Variants in PPM1B observed in about 807,000 individuals in gnomAD.
PPM1B encodes the protein protein phosphatase, Mg2+/Mn2+ dependent 1B, also known as protein phosphatase 1B.
In PPM1B, 22 loss-of-function variants were observed where a neutral mutation model predicts 43.0. That is an observed-to-expected ratio of 0.51 (90% CI 0.37 to 0.73). The LOEUF is 0.73. PPM1B is among the 30% of genes least tolerant of loss of function. The pLI, the probability that PPM1B is intolerant of heterozygous loss-of-function variation, is 0.00. For missense variants in PPM1B, 632 were observed against 584.2 expected, an observed-to-expected ratio of 1.08 and a Z score of -0.84; for synonymous variants, 217 against 197.9, an observed-to-expected ratio of 1.10 and a Z score of -0.81.
At chr2:44,208,255 T>A (rs1165429620) in intron 2 of PPM1B, among the ~76,000 whole-genome samples, 1 of 152,214 alleles carries the variant, frequency 6.6e-6, no homozygotes, top group Admixed American at 6.5e-5. Flanking sequence ...AATATGTCCT[T>A]AAATTAGCTA....
chr2:44,217,882 C>A, intron 3 of PPM1B, 85 bp from the exon 4 acceptor site: 1 of 730,382 alleles, frequency 1.4e-6, no homozygotes, highest in Non-Finnish European at 2.1e-6. Flanking sequence ...AAAATAGGTA[C>A]TACCAAATAG....
rs1022170700 is a variant in PPM1B at position 44,230,258 on chromosome 2, G to A, written c.1135-155G>A. 6 of 1,442,376 alleles carry A rather than the reference G, an allele frequency of 4.2e-6. No homozygotes were observed. The African/African-American group carries it at 8.6e-5, about 21-fold the overall frequency. The allele number at this position is 1,442,376 out of a possible 1,614,324, so 89.3% of individuals were successfully genotyped here. A position where few individuals can be genotyped will look rare whatever the true frequency, so the allele number is the denominator to read the frequency against. ...TTATTATTGGAAGTTTTTATTAATT[G>A]ATACAGGTAAGAATTGATATTTAAT... is the stretch of plus-strand genomic sequence containing the variant. On this transcript the variant is annotated intron_variant, in intron 5 of 5. Coordinates refer to ENST00000282412, the MANE Select transcript of PPM1B (RefSeq NM_002706.6).
At chr2:44,216,198 T>G (rs1227002477) in intron 3 of PPM1B, among the ~76,000 whole-genome samples, 1 of 152,166 alleles carries the variant, frequency 6.6e-6, no homozygotes, top group Non-Finnish European at 1.5e-5. Context: ...GATTAGAAAT[T>G]ATGCATTAAT....
chr2:44,210,313 C>T (rs2104180418), intron 3 of PPM1B, among the ~76,000 whole-genome samples: 1 of 150,908 alleles, frequency 6.6e-6, no homozygotes, highest in East Asian at 2.0e-4. Flanking sequence ...ACTCCCTGGG[C>T]TCAAGTGATC....
At chr2:44,187,022 A>C (rs376161488) in intron 1 of PPM1B, among the ~76,000 whole-genome samples, 3 of 152,236 alleles carry the variant, frequency 2.0e-5, no homozygotes, top group Non-Finnish European at 2.9e-5. Context: ...TTGTGCAACA[A>C]ATCTCCAGAA....
chr2:44,240,411 T>A lies in PPM1B; in HGVS notation n.1547-3817T>A, dbSNP rs1480642974. 1.4e-5 allele frequency among the ~76,000 whole-genome samples: 2 copies of A among 145,886 alleles called. 1 individual carries two copies. The highest frequency in any genetic ancestry group is 3.1e-5 in the Non-Finnish European group (2 of 65,360). On this transcript the variant is annotated intron_variant and non_coding_transcript_variant, in intron 5 of 5. Coordinates refer to the PPM1B transcript ENST00000378540. Reference sequence around the variant, plus strand: ...GGATTAGTAACTATACCATGCCAAGTCATGTGGGAGCCTAAGGCAAATGGA... The same window carrying A: ...GGATTAGTAACTATACCATGCCAAGACATGTGGGAGCCTAAGGCAAATGGA...
intron 5 of PPM1B, chr2:44,218,832 A>G (rs925913473): frequency 1.3e-5 from 6 of 464,860 alleles, no homozygotes; most frequent in African/African-American, 1.0e-4. Context: ...TCTCCTTTAA[A>G]CCTTAATTTT....
At chr2:44,237,459 A>G (rs1419809047), downstream of PPM1B, among the ~76,000 whole-genome samples, 2 of 152,144 alleles carry the variant, frequency 1.3e-5, no homozygotes, top group African/African-American at 4.8e-5. Flanking sequence ...ACCACTTACT[A>G]GTACACTGTT....
At chr2:44,211,755 T>C (rs1199198514) in intron 3 of PPM1B, among the ~76,000 whole-genome samples, 5 of 147,190 alleles carry the variant, frequency 3.4e-5, no homozygotes, top group African/African-American at 1.3e-4. Flanking sequence ...TTTTTTTTTT[T>C]TTTTTTTTTT....
chr2:44,217,243 T>C (rs1206443907), intron 3 of PPM1B, among the ~76,000 whole-genome samples: 1 of 151,316 alleles, frequency 6.6e-6, no homozygotes, highest in Admixed American at 6.6e-5. Context: ...CTACTAAAAA[T>C]ACAAAATTAG....
At chr2:44,189,276 A>G (rs77950422) in intron 1 of PPM1B, among the ~76,000 whole-genome samples, 29,531 of 152,014 alleles carry the variant, frequency 0.19, 3,012 homozygotes, top group South Asian at 0.25. Context: ...AAGACAGAAC[A>G]CTTCTGCTTT....
rs143358669 is a variant in PPM1B at position 44,230,585 on chromosome 2, C to A, written c.1307C>A (p.Ala436Asp). The A allele has an allele frequency of 6.2e-7, 1 of 1,614,140 alleles. No homozygotes were observed. The highest frequency in any genetic ancestry group is 2.2e-5 in the East Asian group (1 of 44,886). The stretch of plus-strand genomic sequence containing the variant: ...AGCCCTGCTGAACCAGCTGCCACAG[C>A]TACTTCTTCGAACAGTGATGCTGGA... ...EESPAEPAAT[A>D]TSSNSDAGNP... Residue 436 changes from alanine to aspartate, a missense_variant, in exon 6 of 6, where the codon GCT (alanine) becomes GAT (aspartate). By Grantham distance (126) the Ala-to-Asp change is moderately radical (BLOSUM62 -2). Transcript: ENST00000282412.
At chr2:44,174,306 G>T (rs111782082) in intron 1 of PPM1B, among the ~76,000 whole-genome samples, 108 of 152,270 alleles carry the variant, frequency 7.1e-4, no homozygotes, top group African/African-American at 2.4e-3. Context: ...AGTTAAATCC[G>T]ATCTCATACT....
chr2:44,215,579 G>A (rs1669682562), intron 3 of PPM1B, among the ~76,000 whole-genome samples: 1 of 152,156 alleles, frequency 6.6e-6, no homozygotes. Context: ...ACATTCTGGT[G>A]TACTTGGTAA....
At chr2:44,204,628 T>A (rs1259131762) in intron 2 of PPM1B, among the ~76,000 whole-genome samples, 1 of 151,752 alleles carries the variant, frequency 6.6e-6, no homozygotes, top group Non-Finnish European at 1.5e-5. Context: ...CCATATGAGG[T>A]AGTTAAGATG....
intron 1 of PPM1B, among the ~76,000 whole-genome samples, chr2:44,170,511 CTTTA>C (rs767174991): frequency 6.6e-6 from 1 of 152,172 alleles, no homozygotes; most frequent in Non-Finnish European, 1.5e-5. Context: ...CAGGAACTGT[CTTTA>C]TTTGAGCTAC....
downstream of PPM1B, chr2:44,233,634 A>C (rs1294999520): frequency 1.0e-6 from 1 of 985,712 alleles, no homozygotes; most frequent in East Asian, 1.1e-4. Flanking sequence ...TGTGTAGTTA[A>C]AATGAGTCAT....
At chr2:44,207,049 A>G (rs1669225043) in intron 2 of PPM1B, among the ~76,000 whole-genome samples, 1 of 152,230 alleles carries the variant, frequency 6.6e-6, no homozygotes, top group African/African-American at 2.4e-5. Flanking sequence ...TGGTTTTTCC[A>G]GATAACCGGG....
At chr2:44,234,886 A>G (rs991829932), downstream of PPM1B, among the ~76,000 whole-genome samples, 1 of 152,232 alleles carries the variant, frequency 6.6e-6, no homozygotes, top group African/African-American at 2.4e-5. Context: ...AATTCAGTGT[A>G]AAAAGGACCA....
Sources: gnomAD v4.1 joint callset for allele counts (sites outside exome capture counted in the v4.1 genomes callset) on GRCh38, gnomAD v4.1.1 for gene constraint, MANE v1.5 for transcripts, NCBI Gene and HGNC (gene_info 2026-07-23, HGNC 2026-07-21) for gene names.